DDX23: variants seen among roughly 807,000 people sequenced by gnomAD.
DDX23 encodes probable ATP-dependent RNA helicase DDX23.
In DDX23, 33 loss-of-function variants were observed where a neutral mutation model predicts 102.7. That is an observed-to-expected ratio of 0.32 (90% CI 0.24 to 0.43). DDX23 has a LOEUF of 0.43. Ranked by LOEUF, DDX23 falls within the 20% of genes least tolerant of loss-of-function variation. The probability of loss-of-function intolerance (pLI) is 1.00; values close to 1 mark genes in which losing one functional copy is unlikely to be tolerated. For synonymous variants in DDX23, 352 were observed against 376.0 expected (o/e 0.94, Z 0.74); for missense variants, 549 against 1,086.6 (o/e 0.51, Z 6.96).
Position 48,832,008 on chromosome 12 carries a change from T to G in DDX23, c.2064+70A>C, listed in dbSNP as rs1373366662. 1.4e-6 allele frequency: 2 copies of G among 1,430,230 alleles called. No homozygotes were observed. Among genetic ancestry groups the G allele is most frequent in the African/African-American group, 1.4e-5 (1 of 70,994 alleles). 88.6% of individuals were successfully genotyped at this position (1,430,230 alleles called of 1,614,324 possible). On this transcript the variant is annotated intron_variant, in intron 15 of 16. Transcript: ENST00000308025. This position sits in a 1 kb window ranked among gnomAD's most constrained non-coding sequence, Gnocchi z 4.4. ...AGGGTGAGACTTGAAAGGAAGAGCC[T>G]AGGGGGCCCTGCTAGATTCAGAAAG...
chr12:48,841,635 AT>A (rs1265214711), intron 3 of DDX23, among the ~76,000 whole-genome samples: 4 of 152,030 alleles, frequency 2.6e-5, no homozygotes, highest in Admixed American at 6.5e-5. Flanking sequence ...TGGTTTTCGT[AT>A]TTTTTTGGTG....
In DDX23 at chr12:48,832,583, C is replaced by T. The variant is rs1166205308; in HGVS notation, c.1804-10G>A. The T allele has an allele frequency of 6.2e-7, 1 of 1,613,286 alleles. No homozygotes were observed. Among genetic ancestry groups the T allele is most frequent in the Non-Finnish European group, 8.5e-7 (1 of 1,179,436 alleles). On this transcript the variant is annotated splice_polypyrimidine_tract_variant and intron_variant, in intron 13 of 16. Transcript: ENST00000308025. The surrounding 1 kb of genome is among the most constrained non-coding windows in gnomAD (Gnocchi z 4.4). ...CCGTGAACATGACTGTCTACGAAAA[C>T]AGGAGGCTCAGCCCTGCACCCAGGC...
At chr12:48,837,433 C>T (rs1390782074) in intron 7 of DDX23, 40 bp from the exon 8 acceptor site, 1 of 1,612,546 alleles carries the variant, frequency 6.2e-7, no homozygotes, top group East Asian at 2.2e-5. Flanking sequence ...AGCTTTGAGG[C>T]CCAATTCTCA....
Position 48,836,590 on chromosome 12 carries a change from G to A in DDX23, c.1215C>T (p.Val405=). Residue 405 remains valine (V), a synonymous_variant, in exon 10 of 17, where the codon GTC becomes GTT. Transcript: ENST00000308025. The surrounding 1 kb of genome is among the most constrained non-coding windows in gnomAD (Gnocchi z 6.1). ...TTACCTTGTAGCCACACTTATCAATGACCTCCAAGATGTGTGGGGGCAGAG... is the reference window on the plus strand; with the variant it reads ...TTACCTTGTAGCCACACTTATCAATAACCTCCAAGATGTGTGGGGGCAGAG... ...DSSLPPHILE[V]IDKCGYKEPT... 6.2e-7 allele frequency: 1 copy of A among 1,613,638 alleles called. No individual in the cohort carries two copies. The highest frequency in any genetic ancestry group is 1.3e-5 in the African/African-American group (1 of 75,032).
rs201421523 is a variant in DDX23 at position 48,838,010 on chromosome 12, C to T, written c.551G>A (p.Arg184Gln). Residue 184 changes from arginine (R) to glutamine (Q), a missense_variant, in exon 6 of 17, where the codon CGG becomes CAG. Arg to Gln is a conservative substitution (Grantham distance 43). Coordinates refer to ENST00000308025, the MANE Select transcript of DDX23 (RefSeq NM_004818.3). ...CCTCTCTTCTTCAAGCATCCTCTGC[C>T]GCTCTTCCACCTCCTGCTGCCGTCG... ...LKRRQQEVEERQRMLEEERKK... is the reference protein window; with the variant it reads ...LKRRQQEVEEQQRMLEEERKK... The T allele has an allele frequency of 1.7e-5, 27 of 1,614,058 alleles. No individual in the cohort carries two copies. The highest frequency in any genetic ancestry group is 3.3e-5 in the Admixed American group (2 of 59,990).
At position 48,830,783 on chromosome 12, in the gene DDX23, C is replaced by T; in HGVS notation, c.2240-91G>A. 1 of 1,329,484 alleles carries T rather than the reference C, an allele frequency of 7.5e-7. No homozygotes were observed. The highest frequency in any genetic ancestry group is 1.0e-6 in the Non-Finnish European group (1 of 968,344). The allele number at this position is 1,329,484 out of a possible 1,614,324, so 82.4% of individuals were successfully genotyped here. ...CCACTTCTAGAGGCATCCTTCCCAC[C>T]CCATCTCCAAAGGCAGGAATACAGC... On this transcript the variant is annotated intron_variant, in intron 16 of 16. Coordinates refer to ENST00000308025, the MANE Select transcript of DDX23 (RefSeq NM_004818.3). This position sits in a 1 kb window ranked among gnomAD's most constrained non-coding sequence, Gnocchi z 4.9.
intron 3 of DDX23, among the ~76,000 whole-genome samples, chr12:48,843,628 A>G (rs1938611971): frequency 7.0e-6 from 1 of 143,556 alleles, no homozygotes; most frequent in South Asian, 2.2e-4. Context: ...GACTCACTGC[A>G]GGCTCCGCCT....
At chr12:48,846,852 G>A (rs1938676394) in intron 1 of DDX23, among the ~76,000 whole-genome samples, 2 of 152,162 alleles carry the variant, frequency 1.3e-5, no homozygotes, top group Admixed American at 1.3e-4. Flanking sequence ...CTACCTGGGA[G>A]ACACCGAACA....
intron 11 of DDX23, among the ~76,000 whole-genome samples, chr12:48,835,742 T>C (rs556577255): frequency 1.3e-5 from 2 of 150,790 alleles, no homozygotes; most frequent in South Asian, 2.1e-4. Flanking sequence ...AACCAAAAAT[T>C]AGCTAGAAGT....
At chr12:48,831,893 G>A (rs1938393180) in intron 15 of DDX23, 185 bp downstream of exon 15, 2 of 607,626 alleles carry the variant, frequency 3.3e-6, no homozygotes, top group Admixed American at 6.1e-5. Flanking sequence ...AGCAGACAGG[G>A]GGTCCCAGCA....
At chr12:48,841,128 G>A (rs918407571) in intron 3 of DDX23, among the ~76,000 whole-genome samples, 27 of 152,178 alleles carry the variant, frequency 1.8e-4, no homozygotes, top group Non-Finnish European at 1.0e-4. Flanking sequence ...GCTCACGCCT[G>A]TAATCCCAGC....
chr12:48,851,575 G>A, intron 1 of DDX23, among the ~76,000 whole-genome samples: 1 of 152,210 alleles, frequency 6.6e-6, no homozygotes, highest in East Asian at 1.9e-4. Flanking sequence ...GGTGTTCAAA[G>A]GCGTTTCCTT....
intron 15 of DDX23, among the ~76,000 whole-genome samples, chr12:48,831,656 G>A (rs1938388921): frequency 6.6e-6 from 1 of 152,154 alleles, no homozygotes; most frequent in South Asian, 2.1e-4. Context: ...GGAAGTTGGA[G>A]AGCTGAGTGA....
At chr12:48,842,337 C>T (rs1259054475) in intron 3 of DDX23, among the ~76,000 whole-genome samples, 3 of 144,792 alleles carry the variant, frequency 2.1e-5, no homozygotes, top group Middle Eastern at 3.5e-3. Context: ...TCTGCCCGGC[C>T]GCCCCTACTG....
chr12:48,836,629 G>C lies in DDX23; in HGVS notation c.1176C>G (p.Ser392=), dbSNP rs776995108. Reference sequence around the variant, plus strand: ...GTGGGGGCAGAGAAGAGTCTTTCCAGGATCGGATGGGATTGGGGATCTTGC... The same window carrying C: ...GTGGGGGCAGAGAAGAGTCTTTCCACGATCGGATGGGATTGGGGATCTTGC... ...KGGKIPNPIR[S]WKDSSLPPHI... Residue 392 remains serine, a synonymous_variant, in exon 10 of 17, where the codon TCC becomes TCG. Transcript: ENST00000308025. This position sits in a 1 kb window ranked among gnomAD's most constrained non-coding sequence, Gnocchi z 6.1. 6.2e-7 allele frequency: 1 copy of C among 1,614,062 alleles called. No individual in the cohort carries two copies. The highest frequency in any genetic ancestry group is 8.5e-7 in the Non-Finnish European group (1 of 1,180,050).
At chr12:48,851,817 C>G (rs1938764383) in intron 1 of DDX23, among the ~76,000 whole-genome samples, 1 of 152,232 alleles carries the variant, frequency 6.6e-6, no homozygotes, top group Admixed American at 6.5e-5. Flanking sequence ...AGAATAAGGT[C>G]AGACTGGGGG....
chr12:48,833,216 C>T (rs768865938), intron 13 of DDX23, 61 bp downstream of exon 13: 4 of 1,600,700 alleles, frequency 2.5e-6, no homozygotes, highest in Non-Finnish European at 2.6e-6. Context: ...AACTCCTGAG[C>T]TCAAGTGATC....
intron 5 of DDX23, chr12:48,839,550 C>T (rs71464935): frequency 1.0e-5 from 2 of 198,042 alleles, no homozygotes; most frequent in Admixed American, 8.9e-5. Context: ...CAGAGTGAGA[C>T]TCTGTCTCAA....
chr12:48,830,660 C>T lies in DDX23; in HGVS notation c.2272G>A (p.Ala758Thr). ...YIHRIGRTGRAGKSGVAITFL... is the reference protein window; with the variant it reads ...YIHRIGRTGRTGKSGVAITFL... ...GTGATGGCCACCCCACTCTTGCCTGCTCGTCCCGTGCGGCCAATGCGGTGG... is the reference window on the plus strand; with the variant it reads ...GTGATGGCCACCCCACTCTTGCCTGTTCGTCCCGTGCGGCCAATGCGGTGG... The change falls in exon 17 of 17, where the codon GCA (alanine) becomes ACA (threonine). Residue 758 changes from alanine (A) to threonine (T), a missense_variant. Ala to Thr is a moderately conservative substitution (Grantham distance 58). Transcript: ENST00000308025. The surrounding 1 kb of genome is among the most constrained non-coding windows in gnomAD (Gnocchi z 4.9). 6.2e-7 allele frequency: 1 copy of T among 1,613,414 alleles called. No homozygotes were observed. Among genetic ancestry groups the T allele is most frequent in the Non-Finnish European group, 8.5e-7 (1 of 1,179,616 alleles).
Sources: gnomAD v4.1 joint callset for allele counts (sites outside exome capture counted in the v4.1 genomes callset) on GRCh38, gnomAD v4.1.1 for gene constraint, Gnocchi (gnomAD v3.1) non-coding constraint, MANE v1.5 for transcripts, NCBI Gene and HGNC (gene_info 2026-07-23, HGNC 2026-07-21) for gene names.